SETD1A: variants seen among roughly 807,000 people sequenced by gnomAD.
The protein encoded by SETD1A is histone-lysine N-methyltransferase SETD1A.
SETD1A carries 29 observed loss-of-function variants against 149.9 expected under a neutral mutation model. That is an observed-to-expected ratio of 0.19 (90% CI 0.14 to 0.26). The LOEUF (loss-of-function observed/expected upper bound fraction) is 0.26, where lower values mean the gene tolerates loss of function less well. Among genes scored for constraint, SETD1A ranks in the 10% least tolerant of loss-of-function variants. SETD1A has a pLI of 1.00. For synonymous variants in SETD1A, 1,141 were observed against 968.5 expected (o/e 1.18, Z -3.31); for missense variants, 2,109 against 2,353.1 (o/e 0.90, Z 2.15).
chr16:30,966,370 A>G lies in SETD1A; in HGVS notation c.2489A>G (p.Lys830Arg). 1 of 1,609,098 alleles carries G rather than the reference A, an allele frequency of 6.2e-7. No homozygotes were observed. Among genetic ancestry groups the G allele is most frequent in the East Asian group, 2.2e-5 (1 of 44,806 alleles). Reference protein sequence around the residue: ...FGAFDQWWESKEEKAKPFQNA... With the variant: ...FGAFDQWWESREEKAKPFQNA... ...GCCTTTGACCAGTGGTGGGAGAGCA[A>G]GGAGGAGAAGGCCAAGGTGAGGCCA... Residue 830 changes from lysine (K) to arginine (R), a missense_variant, in exon 8 of 19, where the codon AAG (lysine) becomes AGG (arginine). By Grantham distance (26) the Lys-to-Arg change is conservative. Transcript: ENST00000262519.
chr16:30,972,613 T>C (rs1596684510), intron 13 of SETD1A, among the ~76,000 whole-genome samples: 1 of 146,086 alleles, frequency 6.8e-6, no homozygotes, highest in Admixed American at 6.9e-5. Context: ...CACTCCAGCC[T>C]GGGCGACAGA....
At chr16:30,966,455 G>C (rs2056148751) in intron 8 of SETD1A, 69 bp downstream of exon 8, 1 of 1,518,706 alleles carries the variant, frequency 6.6e-7, no homozygotes, top group Non-Finnish European at 8.8e-7. Flanking sequence ...GGCTCCTCCA[G>C]GCTGCACAGC....
Position 30,979,481 on chromosome 16 carries a change from G to A in SETD1A, c.3695G>A (p.Arg1232Gln), listed in dbSNP as rs776246602. 70 of 1,600,450 alleles carry A rather than the reference G, an allele frequency of 4.4e-5. No homozygotes were observed. The Middle Eastern group carries it at 5.0e-4, about 11-fold the overall frequency. The part of the protein sequence containing the change: ...PEEVSRGGRS[R>Q]AGGRGRLTEE... ...GAGGTGTCCCGAGGAGGCCGGAGCC[G>A]GGCTGGAGGCCGAGGCCGCCTCACC... is the stretch of plus-strand genomic sequence containing the variant. Residue 1232 changes from arginine to glutamine, a missense_variant, in exon 14 of 19, where the codon CGG becomes CAG. Arg to Gln is a conservative substitution (Grantham distance 43, BLOSUM62 1). Transcript: ENST00000262519.
At position 30,981,093 on chromosome 16, in the gene SETD1A, C is replaced by T. The variant is rs147153440; in HGVS notation, c.4725C>T (p.Ser1575=). The part of the protein sequence containing the change: ...FRKKKLRFGR[S]RIHEWGLFAM... Reference sequence around the variant, plus strand: ...AGAAGAAGCTCCGATTTGGCCGGAGCCGGATCCACGAGTGGGGTCTGTTTG... The same window carrying T: ...AGAAGAAGCTCCGATTTGGCCGGAGTCGGATCCACGAGTGGGGTCTGTTTG... Residue 1575 remains serine, a synonymous_variant, in exon 17 of 19, where the codon AGC becomes AGT. Coordinates refer to ENST00000262519, the MANE Select transcript of SETD1A (RefSeq NM_014712.3). The T allele has an allele frequency of 3.3e-4, 534 of 1,614,218 alleles. No individual in the cohort carries two copies. Among genetic ancestry groups the T allele is most frequent in the Middle Eastern group, 1.6e-3 (10 of 6,062 alleles).
intron 10 of SETD1A, among the ~76,000 whole-genome samples, chr16:30,968,443 C>T (rs1224085266): frequency 6.6e-6 from 1 of 151,054 alleles, no homozygotes; most frequent in African/African-American, 2.4e-5. Flanking sequence ...TATGTACACA[C>T]ACATATGTAT....
chr16:30,967,746 G>C (rs1217029414), intron 10 of SETD1A, among the ~76,000 whole-genome samples, 158 bp downstream of exon 10: 1 of 152,162 alleles, frequency 6.6e-6, no homozygotes, highest in Non-Finnish European at 1.5e-5. Context: ...GATGCACCAG[G>C]TAGAGTTATC....
At chr16:30,976,290 C>G (rs182783910) in intron 13 of SETD1A, among the ~76,000 whole-genome samples, 1 of 152,054 alleles carries the variant, frequency 6.6e-6, no homozygotes, top group Non-Finnish European at 1.5e-5. Flanking sequence ...GAGGCTGAGT[C>G]GGGAGGATTG....
chr16:30,971,845 C>G (rs1490297197), intron 13 of SETD1A, 126 bp downstream of exon 13: 7 of 1,246,216 alleles, frequency 5.6e-6, no homozygotes, highest in Non-Finnish European at 7.4e-6. Flanking sequence ...GAAAATGTCA[C>G]CATCTCCTGT....
In SETD1A at chr16:30,969,573, GTTAGTCCTCA is replaced by G. The variant is rs781236353; in HGVS notation, c.2929-26_2929-17del. Reference sequence around the variant, plus strand: ...GTGTAGGACCAGTTGTCCCCTTCCTGTTAGTCCTCATTTGTCTTTTTTCTTAAGGATGAGG... The same window carrying G: ...GTGTAGGACCAGTTGTCCCCTTCCTGTTTGTCTTTTTTCTTAAGGATGAGG... On this transcript the variant is annotated intron_variant, in intron 11 of 18. Transcript: ENST00000262519. 6.2e-7 allele frequency: 1 copy of G among 1,609,366 alleles called. No homozygotes were observed. The highest frequency in any genetic ancestry group is 8.5e-7 in the Non-Finnish European group (1 of 1,176,156).
At position 30,965,610 on chromosome 16, in the gene SETD1A, T is replaced by C. The variant is rs760618701; in HGVS notation, c.1729T>C (p.Cys577Arg). 1.2e-6 allele frequency: 2 copies of C among 1,612,106 alleles called. No individual in the cohort carries two copies. The highest frequency in any genetic ancestry group is 1.7e-6 in the Non-Finnish European group (2 of 1,179,512). The change falls in exon 8 of 19, where the codon TGC becomes CGC. Residue 577 changes from cysteine to arginine, a missense_variant. This residue lies in a region of SETD1A where 431 missense variants were observed against 388.6 expected (regional missense o/e 1.11). Transcript: ENST00000262519. ...TCTTCTGCCCCCGCAGGCTTCTCCA[T>C]GCTCTTCTGGAGACGACATGGAGAT... is the stretch of plus-strand genomic sequence containing the variant. The part of the protein sequence containing the change: ...KANGQNQASP[C>R]SSGDDMEISD...
At chr16:30,981,210 C>A in intron 17 of SETD1A, 30 bp downstream of exon 17, 1 of 1,612,358 alleles carries the variant, frequency 6.2e-7, no homozygotes. Flanking sequence ...CCCGCCCCGG[C>A]TTCTGATGCA....
chr16:30,966,209 A>G lies in SETD1A; in HGVS notation c.2328A>G (p.Glu776=), dbSNP rs1311861134. ...AGGCCCGGCTGCCACCCAGGGAAGA[A>G]GCAGAGCTGGCAGAGGGCAAGACCC... The part of the protein sequence containing the change: ...GEEARLPPRE[E]AELAEGKTLP... The change falls in exon 8 of 19, where the codon GAA becomes GAG. Residue 776 remains glutamate (E), a synonymous_variant. Coordinates refer to ENST00000262519, the MANE Select transcript of SETD1A (RefSeq NM_014712.3). 5 of 1,613,298 alleles carry G rather than the reference A, an allele frequency of 3.1e-6. No individual in the cohort carries two copies. The South Asian group carries it at 5.5e-5, about 18-fold the overall frequency.
intron 3 of SETD1A, among the ~76,000 whole-genome samples, chr16:30,960,235 T>G (rs1188339121): frequency 6.6e-6 from 1 of 152,224 alleles, no homozygotes; most frequent in Non-Finnish European, 1.5e-5. Context: ...GCTGTTTTCC[T>G]TTTGTTGCCA....
rs1352273166 is a variant in SETD1A, at chr16:30,965,947, G to A, written c.2066G>A (p.Arg689Gln). ...SFQMQTQMLT[R>Q]LHQLRQGKGL... ...CAGATGCAGACCCAGATGTTAACTC[G>A]GCTCCATCAGCTGCGGCAGGGCAAG... Residue 689 changes from arginine (R) to glutamine (Q), a missense_variant, in exon 8 of 19, where the codon CGG becomes CAG. This residue lies in a region of SETD1A where 431 missense variants were observed against 388.6 expected (regional missense o/e 1.11). Coordinates refer to ENST00000262519, the MANE Select transcript of SETD1A (RefSeq NM_014712.3). 1.9e-6 allele frequency: 3 copies of A among 1,607,968 alleles called. No homozygotes were observed. Among genetic ancestry groups the A allele is most frequent in the Non-Finnish European group, 2.5e-6 (3 of 1,176,988 alleles).
rs755703375 is a variant in SETD1A, at chr16:30,979,998, GCCCCCA to G, written c.4218_4223del (p.Pro1411_Pro1412del). 4.1e-6 allele frequency: 2 copies of G among 483,674 alleles called. No homozygotes were observed. Among genetic ancestry groups the G allele is most frequent in the East Asian group, 1.8e-4 (2 of 11,306 alleles). 30.0% of individuals were successfully genotyped at this position (483,674 alleles called of 1,614,324 possible). On this transcript the variant is annotated inframe_deletion, in exon 14 of 19. Transcript: ENST00000262519. ...CCCACGCCCGGCGCCGCCGCCCTCC[GCCCCCA>G]CCCCCGCCGCCACCGCCCCGCGCCT... is the stretch of plus-strand genomic sequence containing the variant.
Position 30,980,984 on chromosome 16 carries a change from C to G in SETD1A, c.4693-77C>G, listed in dbSNP as rs2056369177. ...GGTAAGCAGCCAGAACACCCTCTGC[C>G]CAGGAAGTCTGTGGGAAGAGTGAGG... On this transcript the variant is annotated intron_variant, in intron 16 of 18. Transcript: ENST00000262519. The surrounding 1 kb of genome is among the most constrained non-coding windows in gnomAD (Gnocchi z 7.7). The G allele has an allele frequency of 1.3e-6, 2 of 1,595,632 alleles. No individual in the cohort carries two copies. Among genetic ancestry groups the G allele is most frequent in the South Asian group, 1.1e-5 (1 of 88,824 alleles).
At position 30,964,803 on chromosome 16, in the gene SETD1A, C is replaced by T. The variant is rs1373207850; in HGVS notation, c.1061C>T (p.Ser354Phe). ...TCGTCCTCCTCGTCATCCTCTTCCT[C>T]CTCGTCCTCTCAGTTTCGTAGTTCT... ...LSSSSSSSSS[S>F]SSSQFRSSDA... Residue 354 changes from serine to phenylalanine, a missense_variant, in exon 7 of 19, where the codon TCC becomes TTC. Around this residue, in one of 8 missense-constraint regions of SETD1A, gnomAD observed 410 missense variants for 394.8 expected, o/e 1.04. Transcript: ENST00000262519. 6.2e-7 allele frequency: 1 copy of T among 1,614,102 alleles called. No individual in the cohort carries two copies. The highest frequency in any genetic ancestry group is 8.5e-7 in the Non-Finnish European group (1 of 1,180,034).
rs113632328 is a variant in SETD1A at position 30,983,822 on chromosome 16, C to T, written c.4951-28C>T. ...GGAGTTGGGGGTCGGTGGGGGTGGC[C>T]ACGGCTCACACGCCCTTCCATCCGC... On this transcript the variant is annotated intron_variant, in intron 18 of 18. Transcript: ENST00000262519. This position sits in a 1 kb window ranked among gnomAD's most constrained non-coding sequence, Gnocchi z 6.8. The T allele has an allele frequency of 1.0e-3, 1,667 of 1,610,444 alleles. 11 individuals carry two copies. The African/African-American group carries it at 0.018, about 18-fold the overall frequency.
intron 11 of SETD1A, 62 bp downstream of exon 11, chr16:30,969,524 T>C: frequency 6.2e-7 from 1 of 1,600,294 alleles, no homozygotes; most frequent in East Asian, 2.3e-5. Flanking sequence ...ATCTTTGTGG[T>C]TGGAGCCCAG....
Sources: allele counts gnomAD v4.1 joint callset (sites outside exome capture counted in the v4.1 genomes callset), GRCh38; gene constraint gnomAD v4.1.1; regional missense constraint gnomAD v4.1.1; non-coding constraint Gnocchi (gnomAD v3.1); transcripts MANE v1.5; gene names NCBI Gene and HGNC (gene_info 2026-07-23, HGNC 2026-07-21).